Variants in KCNH5 observed in about 807,000 individuals in gnomAD.
The protein encoded by KCNH5 is potassium voltage-gated channel subfamily H member 5.
KCNH5 carries 46 observed loss-of-function variants against 96.1 expected under a neutral mutation model. That is an observed-to-expected ratio of 0.48 (90% CI 0.38 to 0.61). KCNH5 has a LOEUF of 0.61. KCNH5 is among the 20% of genes least tolerant of loss of function. The probability of loss-of-function intolerance (pLI) is 0.00; values close to 1 mark genes in which losing one functional copy is unlikely to be tolerated. For missense variants in KCNH5, 907 were observed against 1,225.8 expected, an observed-to-expected ratio of 0.74 and a Z score of 3.88; for synonymous variants, 439 against 449.8, an observed-to-expected ratio of 0.98 and a Z score of 0.30.
intron 2 of KCNH5, among the ~76,000 whole-genome samples, chr14:63,009,057 T>G (rs1891178140): frequency 6.6e-6 from 1 of 152,128 alleles, no homozygotes; most frequent in Admixed American, 6.5e-5. Flanking sequence ...AAAAACCATT[T>G]CACACTGCTA....
chr14:62,988,209 T>C (rs1890745554), intron 4 of KCNH5, among the ~76,000 whole-genome samples: 1 of 152,054 alleles, frequency 6.6e-6, no homozygotes, highest in Non-Finnish European at 1.5e-5. Context: ...AATTATCCTT[T>C]CCCTAGATAT....
chr14:62,932,342 C>T (rs1179270996), intron 7 of KCNH5, among the ~76,000 whole-genome samples: 1 of 151,578 alleles, frequency 6.6e-6, no homozygotes, highest in African/African-American at 2.4e-5. Context: ...AGAGAAAAGG[C>T]AAGAGCTCTT....
chr14:62,841,896 A>T (rs1251482912), intron 8 of KCNH5, among the ~76,000 whole-genome samples: 1 of 152,170 alleles, frequency 6.6e-6, no homozygotes, highest in Admixed American at 6.5e-5. Flanking sequence ...TTATCCATGG[A>T]CCTCTGTAAA....
chr14:62,872,399 G>T (rs915482330), intron 7 of KCNH5, among the ~76,000 whole-genome samples: 30 of 152,164 alleles, frequency 2.0e-4, no homozygotes, highest in African/African-American at 6.8e-4. Flanking sequence ...AATGAAGGAA[G>T]ATACAACTTA....
At chr14:62,939,775 T>C (rs1889753554) in intron 7 of KCNH5, among the ~76,000 whole-genome samples, 1 of 152,058 alleles carries the variant, frequency 6.6e-6, no homozygotes, top group Admixed American at 6.6e-5. Flanking sequence ...CCCCCAACTC[T>C]ACTAAAATTA....
intron 7 of KCNH5, among the ~76,000 whole-genome samples, chr14:62,889,396 C>T (rs1248354791): frequency 1.3e-5 from 2 of 152,142 alleles, no homozygotes; most frequent in Non-Finnish European, 2.9e-5. Flanking sequence ...AAAGCAGAGA[C>T]TGCACCAAAA....
intron 7 of KCNH5, among the ~76,000 whole-genome samples, chr14:62,889,639 G>A (rs1323336893): frequency 6.6e-6 from 1 of 152,124 alleles, no homozygotes; most frequent in Admixed American, 6.5e-5. Flanking sequence ...CATAAGACAA[G>A]CAGCCAGGAC....
In KCNH5 at chr14:62,850,285, C is replaced by T. The variant is rs1422353970; in HGVS notation, c.1370-433G>A. 2.0e-5 allele frequency among the ~76,000 whole-genome samples: 3 copies of T among 152,178 alleles called. No homozygotes were observed. The East Asian group carries it at 5.8e-4, about 29-fold the overall frequency. On this transcript the variant is annotated intron_variant, in intron 7 of 10. Transcript: ENST00000322893. ...ATGATCCAGTTTAGAAACATATGCTCTTTCTCACTGCCTGCTCCTTCCAAT... is the reference window on the plus strand; with the variant it reads ...ATGATCCAGTTTAGAAACATATGCTTTTTCTCACTGCCTGCTCCTTCCAAT...
At chr14:62,823,801 A>G (rs1443713641) in intron 8 of KCNH5, among the ~76,000 whole-genome samples, 1 of 151,984 alleles carries the variant, frequency 6.6e-6, no homozygotes, top group East Asian at 1.9e-4. Context: ...TATTTCTCTG[A>G]CATTTATGCA....
At chr14:63,022,881 A>C (rs540837783) in intron 1 of KCNH5, among the ~76,000 whole-genome samples, 1 of 152,180 alleles carries the variant, frequency 6.6e-6, no homozygotes, top group African/African-American at 2.4e-5. Flanking sequence ...TCACAAGTGC[A>C]GTTTTACACC....
chr14:62,734,683 T>C (rs1030398828), intron 10 of KCNH5, among the ~76,000 whole-genome samples: 4 of 152,092 alleles, frequency 2.6e-5, no homozygotes, highest in Admixed American at 6.6e-5. Context: ...TCAAAGAATT[T>C]AAAATTTTAT....
At chr14:62,928,315 C>T (rs1269986838) in intron 7 of KCNH5, among the ~76,000 whole-genome samples, 1 of 152,030 alleles carries the variant, frequency 6.6e-6, no homozygotes, top group Non-Finnish European at 1.5e-5. Context: ...TCAATAATAG[C>T]CTAGCAGGGA....
intron 6 of KCNH5, among the ~76,000 whole-genome samples, chr14:62,973,717 T>A (rs1890451254): frequency 6.6e-6 from 1 of 152,156 alleles, no homozygotes; most frequent in Non-Finnish European, 1.5e-5. Context: ...TTTAATAAGA[T>A]TAAAACTAGG....
rs1451342604 is a variant in KCNH5 at position 62,950,527 on chromosome 14, C to A, written c.975G>T (p.Val325=). 7 of 1,600,600 alleles carry A rather than the reference C, an allele frequency of 4.4e-6. No homozygotes were observed. The highest frequency in any genetic ancestry group is 5.9e-6 in the Non-Finnish European group (7 of 1,178,300). ...CACGGCCCAGTCGTAAGAGACGCAC[C>A]ACTTTTAAAGAACTGAAGAGACTGC... ...GISSLFSSLK[V]VRLLRLGRVA... Residue 325 remains valine, a synonymous_variant, in exon 7 of 11, where the codon GTG becomes GTT. Coordinates refer to ENST00000322893, the MANE Select transcript of KCNH5 (RefSeq NM_139318.5).
intron 8 of KCNH5, among the ~76,000 whole-genome samples, chr14:62,816,784 G>A (rs1332627469): frequency 6.6e-6 from 1 of 151,786 alleles, no homozygotes; most frequent in Non-Finnish European, 1.5e-5. Context: ...CTGATAGGAT[G>A]CTGGCTATTC....
At position 62,875,783 on chromosome 14, in the gene KCNH5, G is replaced by A. The variant is rs543993109; in HGVS notation, c.1370-25931C>T. 1.7e-3 allele frequency among the ~76,000 whole-genome samples: 254 copies of A among 152,272 alleles called. 1 individual carries two copies. Among genetic ancestry groups the A allele is most frequent in the African/African-American group, 5.5e-3 (228 of 41,544 alleles). ...TGTAATCCTAGCACTTTGGGAGGCCGAGGCAAGTGGATCACGAGGTCAGGA... is the reference window on the plus strand; with the variant it reads ...TGTAATCCTAGCACTTTGGGAGGCCAAGGCAAGTGGATCACGAGGTCAGGA... On this transcript the variant is annotated intron_variant, in intron 7 of 10. Transcript: ENST00000322893.
At chr14:62,743,214 G>C (rs752777693) in intron 10 of KCNH5, among the ~76,000 whole-genome samples, 2 of 152,162 alleles carry the variant, frequency 1.3e-5, no homozygotes, top group Non-Finnish European at 2.9e-5. Context: ...CTGGGGAGCT[G>C]TGAATAAAAG....
chr14:62,905,374 T>C (rs556347707), intron 7 of KCNH5, among the ~76,000 whole-genome samples: 104 of 152,348 alleles, frequency 6.8e-4, no homozygotes, highest in African/African-American at 2.3e-3. Context: ...TATGCATGTT[T>C]GCCATGAAAG....
chr14:62,769,430 G>A (rs1260164916), intron 10 of KCNH5, among the ~76,000 whole-genome samples: 1 of 152,176 alleles, frequency 6.6e-6, no homozygotes, highest in African/African-American at 2.4e-5. Flanking sequence ...TCTCTTCAAA[G>A]TCCTTCACAA....
Sources: allele counts gnomAD v4.1 joint callset (sites outside exome capture counted in the v4.1 genomes callset), GRCh38; gene constraint gnomAD v4.1.1; transcripts MANE v1.5; gene names NCBI Gene and HGNC (gene_info 2026-07-23, HGNC 2026-07-21).